LIFR: variants seen among roughly 807,000 people sequenced by gnomAD.
The protein encoded by LIFR is LIF receptor subunit alpha.
A neutral mutation model predicts 122.2 loss-of-function variants in LIFR; 84 were observed. The observed-to-expected ratio is 0.69, with a 90% CI of 0.58 to 0.82. LIFR has a LOEUF of 0.82. Among genes scored for constraint, LIFR ranks in the 40% least tolerant of loss-of-function variants. The pLI is 0.00. For synonymous variants in LIFR, 422 were observed against 434.7 expected, an observed-to-expected ratio of 0.97 and a Z score of 0.36; for missense variants, 1,294 against 1,311.6, an observed-to-expected ratio of 0.99 and a Z score of 0.21.
chr5:38,565,973 C>T (rs13172872), intron 1 of LIFR, among the ~76,000 whole-genome samples: 50,539 of 152,020 alleles, frequency 0.33, 8,497 homozygotes, highest in East Asian at 0.41. Context: ...GTGAGTGAGA[C>T]AAAGCCCTTT....
intron 5 of LIFR, among the ~76,000 whole-genome samples, chr5:38,516,426 A>G (rs1296772089): frequency 2.0e-5 from 3 of 152,238 alleles, no homozygotes; most frequent in East Asian, 1.9e-4. Context: ...ACACTTCTCA[A>G]AAGAAGACAT....
At chr5:38,573,252 A>G (rs1479530857) in intron 1 of LIFR, among the ~76,000 whole-genome samples, 1 of 152,254 alleles carries the variant, frequency 6.6e-6, no homozygotes, top group African/African-American at 2.4e-5. Context: ...TTGAGCTGGA[A>G]TCAGACTGCC....
In LIFR at chr5:38,549,252, TACACACAC is replaced by T. The variant is rs58706799; in HGVS notation, c.-20+7074_-20+7081del. ...TTACTACATAATATGTAGAAAATTG[TACACACAC>T]ACACACACACACACACACACACACA... On this transcript the variant is annotated intron_variant, in intron 1 of 19. Transcript: ENST00000453190. Among the ~76,000 whole-genome samples, 414 of 147,884 alleles carry T rather than the reference TACACACAC, an allele frequency of 2.8e-3. 1 individual carries two copies. The highest frequency in any genetic ancestry group is 7.4e-3 in the South Asian group (34 of 4,570).
intron 13 of LIFR, among the ~76,000 whole-genome samples, chr5:38,494,236 C>A (rs200009956): frequency 6.6e-6 from 1 of 152,140 alleles, no homozygotes; most frequent in Admixed American, 6.5e-5. Context: ...AGTAGGCACA[C>A]AACAAACTTG....
chr5:38,529,968 T>G (rs1342316661), intron 2 of LIFR, among the ~76,000 whole-genome samples: 1 of 152,204 alleles, frequency 6.6e-6, no homozygotes, highest in Non-Finnish European at 1.5e-5. Flanking sequence ...GGATGATAAT[T>G]TCTTTATATA....
At chr5:38,548,583 T>C (rs1748021052) in intron 1 of LIFR, among the ~76,000 whole-genome samples, 1 of 152,138 alleles carries the variant, frequency 6.6e-6, no homozygotes, top group South Asian at 2.1e-4. Flanking sequence ...ACCTAGTGCC[T>C]GTTAAAGAAA....
At chr5:38,494,718 G>T (rs916280146) in intron 13 of LIFR, among the ~76,000 whole-genome samples, 3 of 152,202 alleles carry the variant, frequency 2.0e-5, no homozygotes, top group African/African-American at 7.2e-5. Context: ...AGGTTTCTAA[G>T]AATAAATTTT....
At chr5:38,498,586 A>T (rs559778901) in intron 12 of LIFR, among the ~76,000 whole-genome samples, 1 of 152,334 alleles carries the variant, frequency 6.6e-6, no homozygotes, top group African/African-American at 2.4e-5. Flanking sequence ...GACTTGGCAA[A>T]TGGCGGCACC....
chr5:38,512,002 T>C (rs751867477), intron 5 of LIFR, 38 bp from the exon 6 acceptor site: 15 of 1,598,900 alleles, frequency 9.4e-6, no homozygotes, highest in Admixed American at 1.7e-5. Context: ...TATTTCCAAG[T>C]AGCAATATGT....
chr5:38,507,311 C>T (rs1272336371), intron 7 of LIFR, among the ~76,000 whole-genome samples: 1 of 151,480 alleles, frequency 6.6e-6, no homozygotes, highest in Non-Finnish European at 1.5e-5. Context: ...CATCTGTAAT[C>T]CCAGCACTCT....
intron 11 of LIFR, among the ~76,000 whole-genome samples, chr5:38,502,294 G>C (rs1329540958): frequency 6.6e-6 from 1 of 150,830 alleles, no homozygotes; most frequent in South Asian, 2.1e-4. Flanking sequence ...TTTCACTCTT[G>C]TTGCCCAGGC....
chr5:38,518,491 T>C (rs1421227184), intron 5 of LIFR, among the ~76,000 whole-genome samples: 1 of 152,188 alleles, frequency 6.6e-6, no homozygotes, highest in African/African-American at 2.4e-5. Flanking sequence ...ATAATGGAGC[T>C]GAAAAATTCC....
At chr5:38,503,839 T>G (rs558589322) in intron 10 of LIFR, 137 bp downstream of exon 10, 31 of 682,404 alleles carry the variant, frequency 4.5e-5, no homozygotes, top group African/African-American at 4.3e-4. Context: ...ATTACATGGA[T>G]AGTAATGTCT....
At chr5:38,512,060 T>C in intron 5 of LIFR, 96 bp from the exon 6 acceptor site, 1 of 1,195,528 alleles carries the variant, frequency 8.4e-7, no homozygotes, top group Non-Finnish European at 1.2e-6. Flanking sequence ...CATACAATCA[T>C]CAGCTAAGTT....
intron 1 of LIFR, among the ~76,000 whole-genome samples, chr5:38,544,701 T>G (rs1347399912): frequency 2.0e-5 from 3 of 152,072 alleles, no homozygotes; most frequent in Non-Finnish European, 4.4e-5. Context: ...TGACTTATTG[T>G]CCCTCCCTCC....
intron 5 of LIFR, among the ~76,000 whole-genome samples, chr5:38,516,138 GTCAT>G (rs1561165753): frequency 1.3e-5 from 2 of 152,008 alleles, no homozygotes; most frequent in Non-Finnish European, 2.9e-5. Flanking sequence ...TTACTGCCTT[GTCAT>G]TGGCTGACTT....
chr5:38,484,902 C>A, intron 17 of LIFR, 34 bp from the exon 18 acceptor site: 1 of 1,432,662 alleles, frequency 7.0e-7, no homozygotes, highest in South Asian at 1.2e-5. Flanking sequence ...TTAAAATCGC[C>A]ATTTTTAGTG....
Position 38,530,617 on chromosome 5 carries a change from G to A in LIFR, c.31C>T (p.Pro11Ser). Residue 11 changes from proline to serine, a missense_variant, in exon 2 of 20, where the codon CCA (proline) becomes TCA (serine). Physicochemically the swap from Pro to Ser is moderately conservative, Grantham distance 74. Transcript: ENST00000453190. MMDIYVCLKR[P>S]SWMVDNKRMR... ...CTTTTATTGTCCACCATCCAGGATG[G>A]TCGTTTCAAACATACGTAAATATCC... 1 of 1,613,606 alleles carries A rather than the reference G, an allele frequency of 6.2e-7. No individual in the cohort carries two copies. Among genetic ancestry groups the A allele is most frequent in the Non-Finnish European group, 8.5e-7 (1 of 1,179,550 alleles).
rs1382093304 is a variant in LIFR, at chr5:38,477,388, T to C, written c.*4207A>G. Reference sequence around the variant, plus strand: ...AATAAATAAGATGGGCATGACAGCATGAAACTTCATTTCAGCAGGAAATAA... The same window carrying C: ...AATAAATAAGATGGGCATGACAGCACGAAACTTCATTTCAGCAGGAAATAA... On this transcript the variant is annotated 3_prime_UTR_variant, in exon 20 of 20. Coordinates refer to ENST00000453190, the MANE Select transcript of LIFR (RefSeq NM_001127671.2). 1 of 211,576 alleles carries C rather than the reference T, an allele frequency of 4.7e-6. No individual in the cohort carries two copies. The highest frequency in any genetic ancestry group is 5.9e-5 in the Admixed American group (1 of 17,050). The allele number at this position is 211,576 out of a possible 1,614,324, so 13.1% of individuals were successfully genotyped here. A position where few individuals can be genotyped will look rare whatever the true frequency, so the allele number is the denominator to read the frequency against.
Sources: allele counts gnomAD v4.1 joint callset (sites outside exome capture counted in the v4.1 genomes callset), GRCh38; gene constraint gnomAD v4.1.1; transcripts MANE v1.5; gene names NCBI Gene and HGNC (gene_info 2026-07-23, HGNC 2026-07-21).